Variants in RASGRF2 observed in about 807,000 individuals in gnomAD.
The protein encoded by RASGRF2 is ras-specific guanine nucleotide-releasing factor 2.
RASGRF2 carries 76 observed loss-of-function variants against 151.0 expected under a neutral mutation model. The ratio of observed to expected loss-of-function variants is 0.50; its 90% CI spans 0.42 to 0.61. The LOEUF (loss-of-function observed/expected upper bound fraction) is 0.61, where lower values mean the gene tolerates loss of function less well. RASGRF2 is among the 20% of genes least tolerant of loss of function. The pLI, the probability that RASGRF2 is intolerant of heterozygous loss-of-function variation, is 0.00. For synonymous variants in RASGRF2, 504 were observed against 566.5 expected (o/e 0.89, Z 1.57); for missense variants, 1,148 against 1,564.6 (o/e 0.73, Z 4.49).
chr5:81,215,126 G>A (rs553282818), intron 23 of RASGRF2, among the ~76,000 whole-genome samples: 1 of 152,184 alleles, frequency 6.6e-6, no homozygotes, highest in South Asian at 2.1e-4. Flanking sequence ...ATCACTCGAG[G>A]TCAGGAGTTT....
intron 18 of RASGRF2, among the ~76,000 whole-genome samples, chr5:81,198,835 C>T (rs1755327505): frequency 6.6e-6 from 1 of 152,210 alleles, no homozygotes; most frequent in Non-Finnish European, 1.5e-5. Context: ...TAGGTTGATT[C>T]TGTGTCTTTG....
intron 18 of RASGRF2, among the ~76,000 whole-genome samples, chr5:81,188,218 C>A (rs913444373): frequency 6.6e-6 from 1 of 152,156 alleles, no homozygotes; most frequent in Non-Finnish European, 1.5e-5. Flanking sequence ...CCTTAAAGAG[C>A]GGATCTTCTC....
At chr5:80,963,729 A>C (rs1747635495) in intron 1 of RASGRF2, among the ~76,000 whole-genome samples, 1 of 152,216 alleles carries the variant, frequency 6.6e-6, no homozygotes, top group Non-Finnish European at 1.5e-5. Context: ...ACCTATAGTA[A>C]CATCATTGCC....
At chr5:81,049,694 G>A (rs1439138260) in intron 2 of RASGRF2, among the ~76,000 whole-genome samples, 1 of 152,128 alleles carries the variant, frequency 6.6e-6, no homozygotes, top group African/African-American at 2.4e-5. Context: ...CTATGTGCAT[G>A]ATATCTCATG....
intron 1 of RASGRF2, among the ~76,000 whole-genome samples, chr5:80,995,017 G>A (rs1218987507): frequency 1.3e-5 from 2 of 152,120 alleles, no homozygotes; most frequent in African/African-American, 4.8e-5. Context: ...AGCACTTTGG[G>A]AGGCTGAGGT....
intron 22 of RASGRF2, among the ~76,000 whole-genome samples, chr5:81,210,332 G>A (rs1471604353): frequency 1.3e-5 from 2 of 152,206 alleles, no homozygotes; most frequent in African/African-American, 2.4e-5. Context: ...TCGCTCCCGC[G>A]CACAGCTGTG....
intron 17 of RASGRF2, among the ~76,000 whole-genome samples, chr5:81,163,465 T>C (rs1754433906): frequency 6.6e-6 from 1 of 152,136 alleles, no homozygotes; most frequent in African/African-American, 2.4e-5. Context: ...TGGGGAAATG[T>C]GCATAAGTGA....
At chr5:81,056,199 A>C (rs1298824340) in intron 2 of RASGRF2, among the ~76,000 whole-genome samples, 1 of 151,964 alleles carries the variant, frequency 6.6e-6, no homozygotes, top group Non-Finnish European at 1.5e-5. Flanking sequence ...TTGCTTCTCT[A>C]GTTCTTTTAA....
At chr5:81,127,306 T>A in intron 17 of RASGRF2, 143 bp downstream of exon 17, 1 of 824,488 alleles carries the variant, frequency 1.2e-6, no homozygotes, top group African/African-American at 1.7e-5. Context: ...GAAGGATTGC[T>A]TGAGACCAGT....
intron 17 of RASGRF2, among the ~76,000 whole-genome samples, chr5:81,137,041 ATAT>A (rs905298714): frequency 6.6e-6 from 1 of 152,084 alleles, no homozygotes; most frequent in African/African-American, 2.4e-5. Context: ...AACCCTTAAC[ATAT>A]TATAGATATT....
chr5:81,036,043 A>C (rs972678116), intron 1 of RASGRF2, among the ~76,000 whole-genome samples: 5 of 152,188 alleles, frequency 3.3e-5, no homozygotes, highest in African/African-American at 1.2e-4. Context: ...ACCATTTTTT[A>C]AAAAAGGCAC....
intron 2 of RASGRF2, among the ~76,000 whole-genome samples, chr5:81,045,079 G>C (rs1424955784): frequency 6.6e-6 from 1 of 152,066 alleles, no homozygotes; most frequent in Non-Finnish European, 1.5e-5. Flanking sequence ...TGAGGGTTTT[G>C]ATCCAGACTT....
Position 81,060,986 on chromosome 5 carries a change from C to T in RASGRF2, c.396-7046C>T, listed in dbSNP as rs1354571257. ...TATGTCTGTGTATACACTTAATTTT[C>T]TCCCTCTGTGTATGAACATATATAC... On this transcript the variant is annotated intron_variant, in intron 2 of 26. Coordinates refer to ENST00000265080, the MANE Select transcript of RASGRF2 (RefSeq NM_006909.3). Among the ~76,000 whole-genome samples the T allele has an allele frequency of 2.0e-5, 3 of 152,100 alleles. No individual in the cohort carries two copies. In the South Asian group the frequency reaches 6.2e-4, roughly 32 times the overall value.
At chr5:81,112,328 T>C (rs1753018770) in intron 13 of RASGRF2, among the ~76,000 whole-genome samples, 1 of 152,186 alleles carries the variant, frequency 6.6e-6, no homozygotes, top group African/African-American at 2.4e-5. Context: ...TATTGTAATC[T>C]AGAGATGATT....
At chr5:81,137,758 T>C (rs985066396) in intron 17 of RASGRF2, among the ~76,000 whole-genome samples, 14 of 152,256 alleles carry the variant, frequency 9.2e-5, no homozygotes, top group Non-Finnish European at 1.5e-5. Flanking sequence ...TCTGGACTTC[T>C]AGTCGCCACA....
intron 2 of RASGRF2, among the ~76,000 whole-genome samples, chr5:81,066,751 C>T (rs1751618952): frequency 6.6e-6 from 1 of 152,178 alleles, no homozygotes; most frequent in South Asian, 2.1e-4. Flanking sequence ...TATTGCAGTT[C>T]AAGCAAATAA....
chr5:81,178,910 T>C (rs1335699730), intron 17 of RASGRF2, among the ~76,000 whole-genome samples: 1 of 152,098 alleles, frequency 6.6e-6, no homozygotes, highest in Non-Finnish European at 1.5e-5. Context: ...GGCTAATTTT[T>C]TGTATTTTTA....
At chr5:81,157,916 C>G (rs1255699030) in intron 17 of RASGRF2, among the ~76,000 whole-genome samples, 1 of 152,144 alleles carries the variant, frequency 6.6e-6, no homozygotes, top group Non-Finnish European at 1.5e-5. Flanking sequence ...GGGACACAGC[C>G]AAACCATATC....
intron 24 of RASGRF2, among the ~76,000 whole-genome samples, chr5:81,216,577 A>G (rs2112742831): frequency 6.6e-6 from 1 of 152,328 alleles, no homozygotes; most frequent in Non-Finnish European, 1.5e-5. Flanking sequence ...TAATTACCAA[A>G]GTATTTACTA....
Sources: allele counts gnomAD v4.1 joint callset (sites outside exome capture counted in the v4.1 genomes callset), GRCh38; gene constraint gnomAD v4.1.1; transcripts MANE v1.5; gene names NCBI Gene and HGNC (gene_info 2026-07-23, HGNC 2026-07-21).